Variants in TACC1 observed in about 807,000 individuals in gnomAD.
TACC1 encodes the protein transforming acidic coiled-coil containing protein 1, also known as transforming acidic coiled-coil-containing protein 1.
Under a neutral mutation model 84.4 loss-of-function variants are expected in TACC1, and 48 were observed. That is an observed-to-expected ratio of 0.57 (90% confidence interval 0.45 to 0.72). TACC1 has a LOEUF of 0.72. Ranked by LOEUF, TACC1 falls within the 30% of genes least tolerant of loss-of-function variation. The probability of loss-of-function intolerance (pLI) is 0.00; values close to 1 mark genes in which losing one functional copy is unlikely to be tolerated. For missense variants in TACC1, 920 were observed against 973.0 expected (o/e 0.95, Z 0.72); for synonymous variants, 372 against 376.3 (o/e 0.99, Z 0.13).
intron 2 of TACC1, among the ~76,000 whole-genome samples, chr8:38,807,871 G>T (rs948584988): frequency 6.6e-6 from 1 of 152,174 alleles, no homozygotes; most frequent in African/African-American, 2.4e-5. Flanking sequence ...TACAGAGAGG[G>T]AGAGAACTCT....
chr8:38,813,414 G>A (rs547929032), intron 2 of TACC1, among the ~76,000 whole-genome samples: 3 of 152,300 alleles, frequency 2.0e-5, no homozygotes, highest in Admixed American at 6.5e-5. Context: ...AAAGACTGAT[G>A]TCTTGGTTCA....
At chr8:38,752,156 G>A (rs1005873844) in intron 3 of TACC1, among the ~76,000 whole-genome samples, 7 of 152,068 alleles carry the variant, frequency 4.6e-5, no homozygotes, top group Non-Finnish European at 5.9e-5. Flanking sequence ...TTCTTTCCTT[G>A]CTATTTTTCC....
At chr8:38,820,881 T>C (rs764371504) in intron 3 of TACC1, among the ~76,000 whole-genome samples, 18 of 152,156 alleles carry the variant, frequency 1.2e-4, no homozygotes, top group Non-Finnish European at 2.5e-4. Context: ...AGCTAAGCTC[T>C]TTTCCCTTGA....
At chr8:38,797,714 CT>C (rs1418456726) in intron 2 of TACC1, among the ~76,000 whole-genome samples, 1 of 152,232 alleles carries the variant, frequency 6.6e-6, no homozygotes, top group Non-Finnish European at 1.5e-5. Flanking sequence ...GTAATTATTT[CT>C]GAAGAGATGC....
intron 2 of TACC1, among the ~76,000 whole-genome samples, chr8:38,812,767 C>T (rs1386165151): frequency 6.6e-6 from 1 of 152,176 alleles, no homozygotes; most frequent in East Asian, 1.9e-4. Flanking sequence ...CTCATTTTTC[C>T]CCTTCATTCT....
At position 38,819,821 on chromosome 8, in the gene TACC1, G is replaced by T; in HGVS notation, c.577G>T (p.Asp193Tyr). 6.2e-7 allele frequency: 1 copy of T among 1,613,934 alleles called. No individual in the cohort carries two copies. The highest frequency in any genetic ancestry group is 8.5e-7 in the Non-Finnish European group (1 of 1,180,038). ...TTCCAGCCCGCCAGACGCCCTCCAG[G>T]ACGAGGCGATGACAGAAGGCAGCAT... ...LPSSPPDALQ[D>Y]EAMTEGSMGV... The change falls in exon 3 of 13, where the codon GAC (aspartate) becomes TAC (tyrosine). Residue 193 changes from aspartate (D) to tyrosine (Y), a missense_variant. By Grantham distance (160) the Asp-to-Tyr change is radical (BLOSUM62 -3). Around this residue, in one of 2 missense-constraint regions of TACC1, gnomAD observed 762 missense variants for 747.3 expected, o/e 1.02. Transcript: ENST00000317827.
intron 1 of TACC1, 75 bp downstream of exon 1, chr8:38,787,818 T>G: frequency 7.4e-7 from 1 of 1,344,862 alleles, no homozygotes; most frequent in Non-Finnish European, 9.8e-7. Flanking sequence ...TGTGTGCGTG[T>G]GTGTGGTCGC....
intron 2 of TACC1, among the ~76,000 whole-genome samples, chr8:38,806,488 AAG>A (rs1238345056): frequency 5.3e-5 from 8 of 150,584 alleles, no homozygotes; most frequent in African/African-American, 7.3e-5. Flanking sequence ...GAGAGAGAGA[AAG>A]AGAGAGAGGG....
upstream of TACC1, among the ~76,000 whole-genome samples, chr8:38,785,473 G>C (rs1470585625): frequency 6.6e-6 from 1 of 152,170 alleles, no homozygotes; most frequent in Non-Finnish European, 1.5e-5. Flanking sequence ...AGCCAGGCAG[G>C]GGTGACCTCA....
chr8:38,764,223 G>A (rs1365235954), intron 3 of TACC1, among the ~76,000 whole-genome samples: 1 of 151,696 alleles, frequency 6.6e-6, no homozygotes, highest in African/African-American at 2.4e-5. Flanking sequence ...GATTACAGGC[G>A]CCCACCACCA....
chr8:38,798,606 C>CGT (rs10631964), intron 2 of TACC1, among the ~76,000 whole-genome samples: 29,966 of 143,346 alleles, frequency 0.21, 3,155 homozygotes, highest in Admixed American at 0.27. Context: ...CTGGGTTCTG[C>CGT]GTGTGTGTGT....
chr8:38,851,809 A>G lies in TACC1; in HGVS notation c.*3786A>G, dbSNP rs1285941953. On this transcript the variant is annotated 3_prime_UTR_variant, in exon 13 of 13. Coordinates refer to ENST00000317827, the MANE Select transcript of TACC1 (RefSeq NM_006283.3). ...TGAAGAATCTAAAAGATAACAGATT[A>G]TTTGCTTATGAAAGAACAATATAGT... 3 of 390,712 alleles carry G rather than the reference A, an allele frequency of 7.7e-6. No homozygotes were observed. The highest frequency in any genetic ancestry group is 6.0e-5 in the Admixed American group (2 of 33,414). 24.2% of individuals were successfully genotyped at this position (390,712 alleles called of 1,614,324 possible). A position where few individuals can be genotyped will look rare whatever the true frequency, so the allele number is the denominator to read the frequency against.
chr8:38,825,414 T>A, intron 4 of TACC1, 46 bp downstream of exon 4: 1 of 1,608,258 alleles, frequency 6.2e-7, no homozygotes, highest in South Asian at 1.1e-5. Flanking sequence ...CCAGGGGTCC[T>A]CCAGTGGGAG....
chr8:38,743,321 T>C (rs1246512839), intron 2 of TACC1, among the ~76,000 whole-genome samples: 1 of 152,030 alleles, frequency 6.6e-6, no homozygotes, highest in Non-Finnish European at 1.5e-5. Context: ...AATGAATGAA[T>C]GAATAACTCA....
chr8:38,765,905 C>T (rs573939593), intron 3 of TACC1, among the ~76,000 whole-genome samples: 8 of 152,012 alleles, frequency 5.3e-5, no homozygotes, highest in African/African-American at 7.2e-5. Context: ...AGCCAATTTT[C>T]AGTCCATCTT....
Position 38,827,287 on chromosome 8 carries a change from A to G in TACC1, c.1572A>G (p.Lys524=). The G allele has an allele frequency of 6.2e-7, 1 of 1,614,200 alleles. No homozygotes were observed. Among genetic ancestry groups the G allele is most frequent in the Non-Finnish European group, 8.5e-7 (1 of 1,180,038 alleles). Residue 524 remains lysine, a synonymous_variant, in exon 5 of 13, where the codon AAA becomes AAG. Coordinates refer to ENST00000317827, the MANE Select transcript of TACC1 (RefSeq NM_006283.3). ...AGAAATCAGCTGGTGCCGAGGTGAA[A>G]GGTGAGCCAGAGGAAGACCTGGAGT... ...CGQKSAGAEV[K]GEPEEDLEYF...
intron 3 of TACC1, 147 bp from the exon 4 acceptor site, chr8:38,825,161 C>T: frequency 2.5e-6 from 2 of 790,640 alleles, no homozygotes; most frequent in Middle Eastern, 3.7e-4. Context: ...AAAGGTGTCC[C>T]TGCCTCTCTC....
rs1439352887 is a variant in TACC1, at chr8:38,848,142, A to G, written c.*119A>G. ...CAGAGAAAAAAAAAAACTTAAAAAA[A>G]GCACATGCCTACTGCTGCCTGTCCC... On this transcript the variant is annotated 3_prime_UTR_variant, in exon 13 of 13. Transcript: ENST00000317827. 9.6e-6 allele frequency: 9 copies of G among 932,648 alleles called. No individual in the cohort carries two copies. Among genetic ancestry groups the G allele is most frequent in the Non-Finnish European group, 1.4e-5 (9 of 621,466 alleles). The allele number at this position is 932,648 out of a possible 1,614,324, so 57.8% of individuals were successfully genotyped here.
intron 1 of TACC1, among the ~76,000 whole-genome samples, chr8:38,734,237 T>C (rs1805516709): frequency 6.6e-6 from 1 of 152,148 alleles, no homozygotes; most frequent in Non-Finnish European, 1.5e-5. Flanking sequence ...CTGTCACCCA[T>C]GCTGGAGTGC....
Sources: gnomAD v4.1 joint callset for allele counts (sites outside exome capture counted in the v4.1 genomes callset) on GRCh38, gnomAD v4.1.1 for gene constraint, gnomAD v4.1.1 regional missense constraint, MANE v1.5 for transcripts, NCBI Gene and HGNC (gene_info 2026-07-23, HGNC 2026-07-21) for gene names.